WNT5B: variants seen among roughly 807,000 people sequenced by gnomAD.
WNT5B encodes the protein Wnt family member 5B.
In WNT5B, 18 loss-of-function variants were observed where a neutral mutation model predicts 36.5. The ratio of observed to expected loss-of-function variants is 0.49; its 90% CI spans 0.34 to 0.73. WNT5B has a LOEUF of 0.73. WNT5B is among the 30% of genes least tolerant of loss of function. WNT5B has a pLI of 0.01. For synonymous variants in WNT5B, 213 were observed against 212.3 expected (o/e 1.00, Z -0.03); for missense variants, 424 against 508.4 (o/e 0.83, Z 1.60).
Position 1,632,712 on chromosome 12 carries a change from GC to G in WNT5B, c.138del (p.Val47CysfsTer26). 6.2e-7 allele frequency: 1 copy of G among 1,613,530 alleles called. No individual in the cohort carries two copies. The highest frequency in any genetic ancestry group is 1.1e-5 in the South Asian group (1 of 91,074). On this transcript the variant is annotated frameshift_variant, in exon 3 of 5. Transcript: ENST00000397196. LOFTEE classifies it high-confidence loss of function. This position sits in a 1 kb window ranked among gnomAD's most constrained non-coding sequence, Gnocchi z 5.8. ...RPEMFIIGAQ[P>X]VCSQLPGLSP... ...CCGAGATGTTTATCATCGGTGCCCA[GC>G]CCGTGTGCAGTCAGCTTCCCGGGCT...
upstream of WNT5B, among the ~76,000 whole-genome samples, chr12:1,627,544 T>C (rs904575347): frequency 6.6e-6 from 1 of 152,190 alleles, no homozygotes; most frequent in Non-Finnish European, 1.5e-5. This position sits in a 1 kb window ranked among gnomAD's most constrained non-coding sequence, Gnocchi z 5.0. Flanking sequence ...TTTTGGTCTC[T>C]TAACTCTAGG....
chr12:1,627,104 C>T (rs188233904), upstream of WNT5B, among the ~76,000 whole-genome samples: 11 of 152,122 alleles, frequency 7.2e-5, no homozygotes, highest in South Asian at 6.2e-4. This position sits in a 1 kb window ranked among gnomAD's most constrained non-coding sequence, Gnocchi z 5.0. Context: ...TTAAATGCTG[C>T]GGCTAAAACA....
At chr12:1,640,266 C>G (rs768759427) in intron 4 of WNT5B, among the ~76,000 whole-genome samples, 9 of 152,068 alleles carry the variant, frequency 5.9e-5, no homozygotes, top group Non-Finnish European at 8.8e-5. Flanking sequence ...ATCAGAATTC[C>G]AGACGTAAGG....
rs2094547455 is a variant in WNT5B at position 1,630,103 on chromosome 12, C to G, written c.-58+732C>G. On this transcript the variant is annotated intron_variant, in intron 1 of 4. Coordinates refer to ENST00000397196, the MANE Select transcript of WNT5B (RefSeq NM_032642.3). This position sits in a 1 kb window ranked among gnomAD's most constrained non-coding sequence, Gnocchi z 5.3. ...GGCCACTGTCCTCTCCTGGCGGCCC[C>G]AGGACAAAAATACTTCCCGGGCTGA... The G allele has an allele frequency of 4.1e-6, 4 of 984,676 alleles. No homozygotes were observed. The highest frequency in any genetic ancestry group is 4.8e-6 in the Non-Finnish European group (4 of 829,248). 61.0% of individuals were successfully genotyped at this position (984,676 alleles called of 1,614,324 possible). A position where few individuals can be genotyped will look rare whatever the true frequency, so the allele number is the denominator to read the frequency against.
At chr12:1,625,979 C>CCTTT (rs2094540388), upstream of WNT5B, among the ~76,000 whole-genome samples, 3 of 134,430 alleles carry the variant, frequency 2.2e-5, no homozygotes, top group Non-Finnish European at 4.7e-5. Flanking sequence ...TTTTCTCTCT[C>CCTTT]TTTTTTTTTT....
upstream of WNT5B, among the ~76,000 whole-genome samples, chr12:1,628,160 CT>C (rs59145675): frequency 0.23 from 33,432 of 145,682 alleles, 5,107 homozygotes; most frequent in African/African-American, 0.44. Flanking sequence ...CTGACTCCCA[CT>C]TTTTTTTTTT....
At chr12:1,623,227 G>A (rs190292319) in intron 1 of WNT5B, among the ~76,000 whole-genome samples, 3 of 112,008 alleles carry the variant, frequency 2.7e-5, no homozygotes, top group East Asian at 2.5e-4. Flanking sequence ...ACGGAGTCTC[G>A]CTCTTTAGCC....
upstream of WNT5B, among the ~76,000 whole-genome samples, chr12:1,627,147 G>A (rs1237901488): frequency 1.3e-5 from 2 of 152,186 alleles, no homozygotes; most frequent in African/African-American, 2.4e-5. The surrounding 1 kb of genome is among the most constrained non-coding windows in gnomAD (Gnocchi z 5.0). Flanking sequence ...AATGGCGATG[G>A]GGGCCTTCTC....
chr12:1,637,986 C>T (rs2094565343), intron 3 of WNT5B, among the ~76,000 whole-genome samples: 1 of 152,160 alleles, frequency 6.6e-6, no homozygotes, highest in Non-Finnish European at 1.5e-5. Flanking sequence ...CGGTGGCTCA[C>T]GCCTCTAATC....
intron 4 of WNT5B, among the ~76,000 whole-genome samples, chr12:1,643,258 C>A (rs2094578720): frequency 6.6e-6 from 1 of 152,108 alleles, no homozygotes; most frequent in Non-Finnish European, 1.5e-5. Flanking sequence ...AAGCCTGGTG[C>A]CTAATCCTGT....
Position 1,639,833 on chromosome 12 carries a change from G to A in WNT5B, c.478G>A (p.Gly160Ser), listed in dbSNP as rs1045546763. The change falls in exon 4 of 5, where the codon GGC becomes AGC. Residue 160 changes from glycine to serine, a missense_variant. Gly to Ser is a moderately conservative substitution (Grantham distance 56). Transcript: ENST00000397196. Reference protein sequence around the residue: ...KDLPRDWLWGGCGDNVEYGYR... With the variant: ...KDLPRDWLWGSCGDNVEYGYR... ...CCTGCCCCGGGACTGGCTGTGGGGC[G>A]GCTGTGGGGACAACGTGGAGTACGG... 1 of 1,613,760 alleles carries A rather than the reference G, an allele frequency of 6.2e-7. No individual in the cohort carries two copies. Among genetic ancestry groups the A allele is most frequent in the East Asian group, 2.2e-5 (1 of 44,874 alleles).
At chr12:1,619,090 A>C (rs1003482693) in intron 1 of WNT5B, among the ~76,000 whole-genome samples, 5 of 150,982 alleles carry the variant, frequency 3.3e-5, no homozygotes, top group East Asian at 1.9e-4. Flanking sequence ...AAATCTCATC[A>C]CTCCTACCAA....
In WNT5B at chr12:1,645,889, C is replaced by A; in HGVS notation, c.717C>A (p.Arg239=). ...KTCWLQLAEF[R]KVGDRLKEKY... ...GCTGGCTGCAGCTGGCCGAGTTCCG[C>A]AAGGTCGGGGACCGGCTGAAGGAGA... The change falls in exon 5 of 5, where the codon CGC becomes CGA. Residue 239 remains arginine (R), a synonymous_variant. Coordinates refer to ENST00000397196, the MANE Select transcript of WNT5B (RefSeq NM_032642.3). The A allele has an allele frequency of 6.2e-7, 1 of 1,611,488 alleles. No individual in the cohort carries two copies.
At chr12:1,634,800 G>T (rs1007940312) in intron 3 of WNT5B, among the ~76,000 whole-genome samples, 1 of 152,212 alleles carries the variant, frequency 6.6e-6, no homozygotes, top group Non-Finnish European at 1.5e-5. Flanking sequence ...CGGCAGAGCA[G>T]CTCGGAGGAG....
At chr12:1,639,218 A>G (rs7976249) in intron 3 of WNT5B, among the ~76,000 whole-genome samples, 94,783 of 147,560 alleles carry the variant, frequency 0.64, 31,254 homozygotes, top group Non-Finnish European at 0.7. Context: ...GCTCCCTGCA[A>G]GCTCCGCCTC....
upstream of WNT5B, among the ~76,000 whole-genome samples, chr12:1,627,395 G>T (rs2094542722): frequency 6.6e-6 from 1 of 152,170 alleles, no homozygotes; most frequent in Non-Finnish European, 1.5e-5. This position sits in a 1 kb window ranked among gnomAD's most constrained non-coding sequence, Gnocchi z 5.0. Context: ...AGATATCAGT[G>T]GGTTTGTGTG....
rs760453823 is a variant in WNT5B, at chr12:1,645,947, C to A, written c.775C>A (p.Arg259Ser). Residue 259 changes from arginine to serine, a missense_variant, in exon 5 of 5, where the codon CGC becomes AGC. Physicochemically the swap from Arg to Ser is moderately radical, Grantham distance 110. Transcript: ENST00000397196. ...YDSAAAMRVTRKGRLELVNSR... is the reference protein window; with the variant it reads ...YDSAAAMRVTSKGRLELVNSR... ...CAGCGCGGCCGCCATGCGCGTCACC[C>A]GCAAGGGCCGGCTGGAGCTGGTCAA... 2 of 1,610,208 alleles carry A rather than the reference C, an allele frequency of 1.2e-6. No individual in the cohort carries two copies.
At position 1,623,744 on chromosome 12, in the gene WNT5B, C is replaced by G. The variant is rs184411588; in HGVS notation, c.-58+6601C>G. ...CCTCACCTCTGCATCTTCCATGAGC[C>G]CCTCACACCAAACCAGGATCCACCC... On this transcript the variant is annotated intron_variant, in intron 1 of 4. Transcript: ENST00000310594. 4.7e-3 allele frequency among the ~76,000 whole-genome samples: 711 copies of G among 152,238 alleles called. 5 individuals are homozygous for G. Among genetic ancestry groups the G allele is most frequent in the Middle Eastern group, 6.8e-3 (2 of 294 alleles).
intron 4 of WNT5B, among the ~76,000 whole-genome samples, chr12:1,643,112 T>C (rs903518605): frequency 6.7e-6 from 1 of 148,162 alleles, no homozygotes; most frequent in Admixed American, 6.7e-5. Flanking sequence ...TGACACAGAG[T>C]AAATCTTAGG....
Sources: allele counts gnomAD v4.1 joint callset (sites outside exome capture counted in the v4.1 genomes callset), GRCh38; gene constraint gnomAD v4.1.1; non-coding constraint Gnocchi (gnomAD v3.1); transcripts MANE v1.5; gene names NCBI Gene and HGNC (gene_info 2026-07-23, HGNC 2026-07-21).